The following PRKG1 variants were observed in gnomAD, a reference collection of about 807,000 sequenced individuals.
PRKG1 encodes the protein protein kinase cGMP-dependent 1.
In PRKG1, 35 loss-of-function variants were observed where a neutral mutation model predicts 88.1. That is an observed-to-expected ratio of 0.40 (90% CI 0.30 to 0.53). The LOEUF (loss-of-function observed/expected upper bound fraction) is 0.53, where lower values mean the gene tolerates loss of function less well. Ranked by LOEUF, PRKG1 falls within the 20% of genes least tolerant of loss-of-function variation. The probability of loss-of-function intolerance (pLI) is 0.59; values close to 1 mark genes in which losing one functional copy is unlikely to be tolerated. For missense variants in PRKG1, 540 were observed against 839.8 expected (o/e 0.64, Z 4.41); for synonymous variants, 303 against 292.5 (o/e 1.04, Z -0.37).
chr10:51,968,562 C>T (rs1843627835), intron 5 of PRKG1, among the ~76,000 whole-genome samples: 1 of 151,868 alleles, frequency 6.6e-6, no homozygotes, highest in Non-Finnish European at 1.5e-5. Flanking sequence ...GTGGTTCATG[C>T]CTGTAATCCC....
chr10:51,385,786 C>T (rs1047648898), intron 2 of PRKG1, among the ~76,000 whole-genome samples: 1 of 152,160 alleles, frequency 6.6e-6, no homozygotes, highest in Non-Finnish European at 1.5e-5. Context: ...TTTATTTCTT[C>T]TACTATATTT....
chr10:52,079,955 A>C (rs1176621803), intron 7 of PRKG1, among the ~76,000 whole-genome samples: 2 of 152,178 alleles, frequency 1.3e-5, no homozygotes, highest in African/African-American at 2.4e-5. Context: ...AGGTCCATAA[A>C]GAAAAGCTGT....
intron 3 of PRKG1, among the ~76,000 whole-genome samples, chr10:51,738,629 T>C (rs1179642213): frequency 6.6e-6 from 1 of 152,166 alleles, no homozygotes; most frequent in East Asian, 1.9e-4. Context: ...TATTAGTCTA[T>C]ATTCTGGTGA....
intron 4 of PRKG1, among the ~76,000 whole-genome samples, chr10:51,894,841 A>G (rs1841803646): frequency 6.6e-6 from 1 of 152,202 alleles, no homozygotes; most frequent in South Asian, 2.1e-4. Context: ...TTTTAAATGT[A>G]TTCTCTTCTA....
chr10:51,897,325 G>A (rs1937664), intron 4 of PRKG1, among the ~76,000 whole-genome samples: 72,921 of 151,898 alleles, frequency 0.48, 17,712 homozygotes, highest in East Asian at 0.63. Context: ...CAATGTTGGT[G>A]GCACTAATTT....
chr10:51,496,396 T>A (rs7083586), intron 3 of PRKG1, among the ~76,000 whole-genome samples: 141,054 of 152,216 alleles, frequency 0.93, 65,406 homozygotes, highest in East Asian at 1. Context: ...TGTGTTAAAC[T>A]TATCAGCATG....
chr10:52,102,639 G>T (rs186750985), intron 7 of PRKG1, among the ~76,000 whole-genome samples: 1 of 116,762 alleles, frequency 8.6e-6, no homozygotes, highest in East Asian at 2.0e-4. Flanking sequence ...TCAAGATAGG[G>T]ATCTTGGAGA....
intron 9 of PRKG1, among the ~76,000 whole-genome samples, chr10:52,181,599 A>T (rs1839033159): frequency 1.6e-5 from 1 of 63,932 alleles, no homozygotes; most frequent in Non-Finnish European, 2.9e-5. Flanking sequence ...CGACCCCACC[A>T]CAGTCCCCAG....
At chr10:52,102,282 A>G (rs1048481870) in intron 7 of PRKG1, among the ~76,000 whole-genome samples, 1 of 152,104 alleles carries the variant, frequency 6.6e-6, no homozygotes, top group African/African-American at 2.4e-5. Flanking sequence ...CTTGCCCCAA[A>G]CACAACATAT....
chr10:51,880,258 T>TA (rs11337704), intron 4 of PRKG1, among the ~76,000 whole-genome samples: 1,770 of 149,174 alleles, frequency 0.012, 29 homozygotes, highest in African/African-American at 0.036. Flanking sequence ...AGAACTGAGC[T>TA]AAAAAAAAAA....
chr10:51,365,989 A>G (rs565538636), intron 2 of PRKG1, among the ~76,000 whole-genome samples: 54 of 152,048 alleles, frequency 3.6e-4, no homozygotes, highest in African/African-American at 1.3e-3. Flanking sequence ...AAACGACTCT[A>G]TCACTCAAGT....
intron 4 of PRKG1, among the ~76,000 whole-genome samples, chr10:51,865,126 G>T (rs1359647303): frequency 6.6e-6 from 1 of 152,074 alleles, no homozygotes; most frequent in Non-Finnish European, 1.5e-5. Context: ...GAATATCAGA[G>T]AATACTTGTA....
intron 6 of PRKG1, among the ~76,000 whole-genome samples, chr10:52,057,466 C>T (rs1227822528): frequency 1.3e-5 from 2 of 152,164 alleles, no homozygotes; most frequent in African/African-American, 4.8e-5. Flanking sequence ...CAACAGTGAA[C>T]TATAAAGCAC....
intron 2 of PRKG1, among the ~76,000 whole-genome samples, chr10:51,347,941 T>C (rs1242827220): frequency 6.6e-6 from 1 of 151,978 alleles, no homozygotes; most frequent in African/African-American, 2.4e-5. Flanking sequence ...CGGGTGCCTG[T>C]ACTCCCAGCT....
rs113121030 is a variant in PRKG1, at chr10:51,461,225, T to C, written c.479-6498T>C. Among the ~76,000 whole-genome samples, 533 of 152,272 alleles carry C rather than the reference T, an allele frequency of 3.5e-3. 1 individual carries two copies. The highest frequency in any genetic ancestry group is 0.012 in the African/African-American group (493 of 41,582). On this transcript the variant is annotated intron_variant, in intron 2 of 17. Coordinates refer to ENST00000373980, the MANE Select transcript of PRKG1 (RefSeq NM_006258.4). ...AAGCAAAGATCTTCACTCATGTAGCTTCAACCTCAACTAGACTTTTCCATC... is the reference window on the plus strand; with the variant it reads ...AAGCAAAGATCTTCACTCATGTAGCCTCAACCTCAACTAGACTTTTCCATC...
chr10:50,991,318 CCGCCGCCG>C lies in PRKG1; in HGVS notation c.-59_-52del. 2 of 862,632 alleles carry C rather than the reference CCGCCGCCG, an allele frequency of 2.3e-6. 1 individual carries two copies. Among genetic ancestry groups the C allele is most frequent in the South Asian group, 5.4e-5 (2 of 37,232 alleles). 53.4% of individuals were successfully genotyped at this position (862,632 alleles called of 1,614,324 possible). A position where few individuals can be genotyped will look rare whatever the true frequency, so the allele number is the denominator to read the frequency against. On this transcript the variant is annotated 5_prime_UTR_variant, in exon 1 of 18. Transcript: ENST00000401604. The surrounding 1 kb of genome is among the most constrained non-coding windows in gnomAD (Gnocchi z 4.5). ...CTGCCGGCTGCCGTCCCAGCCGCCG[CCGCCGCCG>C]CCGCCGCCGCCGCCGCCCGAGAAAA...
At chr10:52,105,518 G>A (rs1589610225) in intron 7 of PRKG1, among the ~76,000 whole-genome samples, 1 of 152,170 alleles carries the variant, frequency 6.6e-6, no homozygotes. Flanking sequence ...ACTGCAGAGG[G>A]CGTGTAGAAT....
At chr10:51,322,871 A>G (rs138826650) in intron 2 of PRKG1, among the ~76,000 whole-genome samples, 128 of 152,282 alleles carry the variant, frequency 8.4e-4, no homozygotes, top group African/African-American at 2.8e-3. Flanking sequence ...CTTCCTAACT[A>G]CAGAATATTA....
chr10:51,400,069 G>A (rs189289935), intron 2 of PRKG1, among the ~76,000 whole-genome samples: 1 of 152,070 alleles, frequency 6.6e-6, no homozygotes, highest in Admixed American at 6.5e-5. Flanking sequence ...ATTGTTGGTT[G>A]TTTCTATCTA....
Sources: allele counts gnomAD v4.1 joint callset (sites outside exome capture counted in the v4.1 genomes callset), GRCh38; gene constraint gnomAD v4.1.1; non-coding constraint Gnocchi (gnomAD v3.1); transcripts MANE v1.5; gene names NCBI Gene and HGNC (gene_info 2026-07-23, HGNC 2026-07-21).